The following SUZ12 variants were observed in gnomAD, a reference collection of about 807,000 sequenced individuals.
SUZ12 encodes polycomb protein SUZ12.
A neutral mutation model predicts 87.3 loss-of-function variants in SUZ12; 17 were observed. The ratio of observed to expected loss-of-function variants is 0.19; its 90% confidence interval spans 0.13 to 0.29. The LOEUF is 0.29. Ranked by LOEUF, SUZ12 falls within the 10% of genes least tolerant of loss-of-function variation. The pLI is 1.00. For missense variants in SUZ12, 526 were observed against 912.2 expected, an observed-to-expected ratio of 0.58 and a Z score of 5.45; for synonymous variants, 253 against 312.4, an observed-to-expected ratio of 0.81 and a Z score of 2.01.
chr17:31,978,860 C>T (rs950520789), intron 8 of SUZ12, among the ~76,000 whole-genome samples: 3 of 152,058 alleles, frequency 2.0e-5, no homozygotes, highest in African/African-American at 4.8e-5. Context: ...GTAATCCCAG[C>T]ACTTTGGGAG....
chr17:31,969,297 C>T (rs1327017479), intron 5 of SUZ12, among the ~76,000 whole-genome samples: 5 of 152,104 alleles, frequency 3.3e-5, no homozygotes, highest in Non-Finnish European at 7.4e-5. Flanking sequence ...AGGCATGCAC[C>T]ACCATGCCCC....
intron 8 of SUZ12, among the ~76,000 whole-genome samples, chr17:31,979,051 A>T (rs1425201043): frequency 1.4e-5 from 2 of 138,018 alleles, no homozygotes; most frequent in Admixed American, 1.6e-4. Context: ...GGTTACAGTG[A>T]GTTGAGATCG....
intron 9 of SUZ12, among the ~76,000 whole-genome samples, chr17:31,983,613 G>A (rs1380190316): frequency 6.6e-6 from 1 of 152,154 alleles, no homozygotes; most frequent in Non-Finnish European, 1.5e-5. Flanking sequence ...GAGCCAGACT[G>A]CCTGATTCAA....
At chr17:31,989,692 T>G (rs1285623473) in intron 10 of SUZ12, among the ~76,000 whole-genome samples, 1 of 151,292 alleles carries the variant, frequency 6.6e-6, no homozygotes, top group Admixed American at 6.6e-5. Flanking sequence ...TCTGCCTCCC[T>G]GGTTCATGCC....
intron 8 of SUZ12, among the ~76,000 whole-genome samples, 170 bp downstream of exon 8, chr17:31,976,784 A>T (rs1420391301): frequency 6.6e-6 from 1 of 152,248 alleles, no homozygotes; most frequent in Non-Finnish European, 1.5e-5. Context: ...TATAGAAAAC[A>T]ATAATTAAGG....
At chr17:31,939,143 A>G (rs2142115582) in intron 1 of SUZ12, among the ~76,000 whole-genome samples, 1 of 152,332 alleles carries the variant, frequency 6.6e-6, no homozygotes, top group Non-Finnish European at 1.5e-5. Context: ...TGTTTTGTGA[A>G]CCTGTCAATT....
chr17:31,990,121 ATTTTTTTTT>A (rs59793925), intron 10 of SUZ12, among the ~76,000 whole-genome samples: 10 of 99,862 alleles, frequency 1.0e-4, no homozygotes, highest in African/African-American at 4.2e-4. Flanking sequence ...TGCCCGGCTA[ATTTTTTTTT>A]TTTTTTTTTT....
intron 10 of SUZ12, 21 bp from the exon 11 acceptor site, chr17:31,993,221 T>C: frequency 6.7e-7 from 1 of 1,484,502 alleles, no homozygotes; most frequent in South Asian, 1.3e-5. Context: ...TTTTATTGAA[T>C]ATAAAAGTGT....
At chr17:31,982,443 CGAG>C (rs1567832343) in intron 8 of SUZ12, among the ~76,000 whole-genome samples, 2 of 152,138 alleles carry the variant, frequency 1.3e-5, no homozygotes, top group Non-Finnish European at 2.9e-5. Flanking sequence ...GGGTGGATCA[CGAG>C]GGCAGGAGTT....
chr17:31,978,966 C>G (rs867642982), intron 8 of SUZ12, among the ~76,000 whole-genome samples: 1 of 151,732 alleles, frequency 6.6e-6, no homozygotes, highest in African/African-American at 2.4e-5. Flanking sequence ...ATTAGCTGGG[C>G]CTGGTGGTGC....
intron 10 of SUZ12, among the ~76,000 whole-genome samples, chr17:31,989,099 T>C (rs942930005): frequency 6.6e-6 from 1 of 151,466 alleles, no homozygotes; most frequent in Non-Finnish European, 1.5e-5. Context: ...GTCAATAAAT[T>C]AAAAAAGTAG....
Position 31,994,728 on chromosome 17 carries a change from A to G in SUZ12, c.1595+7A>G. ...CACATATTCTTGTGTGCAGGTAGGT[A>G]AAAAGGGCATATAAGAAAAGTTTAA... On this transcript the variant is annotated splice_region_variant and intron_variant, in intron 13 of 15. Transcript: ENST00000322652. The G allele has an allele frequency of 6.2e-7, 1 of 1,610,326 alleles. No individual in the cohort carries two copies. Among genetic ancestry groups the G allele is most frequent in the East Asian group, 2.2e-5 (1 of 44,788 alleles).
At chr17:31,960,111 A>G (rs1907607427) in intron 4 of SUZ12, among the ~76,000 whole-genome samples, 1 of 152,188 alleles carries the variant, frequency 6.6e-6, no homozygotes, top group Non-Finnish European at 1.5e-5. Context: ...TAGCTGCAAG[A>G]GAGGGCAGAG....
At chr17:31,976,266 GAGTTTGCCTAGCAA>G (rs1908747434) in intron 7 of SUZ12, among the ~76,000 whole-genome samples, 1 of 152,232 alleles carries the variant, frequency 6.6e-6, no homozygotes, top group Admixed American at 6.5e-5. Context: ...GAGTGAGAAG[GAGTTTGCCTAGCAA>G]AGATAATTCT....
At chr17:31,998,362 A>AT (rs1370470119) in intron 15 of SUZ12, among the ~76,000 whole-genome samples, 3 of 152,104 alleles carry the variant, frequency 2.0e-5, no homozygotes, top group African/African-American at 7.2e-5. Context: ...TACAGGCGTA[A>AT]TTACCTGGCC....
chr17:31,974,331 G>A (rs1162429641), intron 6 of SUZ12, among the ~76,000 whole-genome samples: 1 of 152,184 alleles, frequency 6.6e-6, no homozygotes, highest in Non-Finnish European at 1.5e-5. Context: ...TCAGGAGATC[G>A]AGTGGCTAAC....
chr17:31,955,726 C>A (rs529068181), intron 4 of SUZ12, among the ~76,000 whole-genome samples: 1 of 151,470 alleles, frequency 6.6e-6, no homozygotes, highest in Non-Finnish European at 1.5e-5. Flanking sequence ...CCAGCATGGG[C>A]GACAGAGTGA....
chr17:31,978,282 C>T (rs1356236526), intron 8 of SUZ12, among the ~76,000 whole-genome samples: 4 of 152,118 alleles, frequency 2.6e-5, no homozygotes, highest in Non-Finnish European at 5.9e-5. Flanking sequence ...GATCTCAGCT[C>T]ACTGCAACCT....
intron 8 of SUZ12, among the ~76,000 whole-genome samples, chr17:31,980,466 T>TTTTTTTGTTG (rs1909037343): frequency 9.0e-6 from 1 of 111,356 alleles, no homozygotes; most frequent in East Asian, 2.2e-4. Context: ...TTTTTTTTTT[T>TTTTTTTGTTG]GAGACGGAGT....
Sources: allele counts gnomAD v4.1 joint callset (sites outside exome capture counted in the v4.1 genomes callset), GRCh38; gene constraint gnomAD v4.1.1; transcripts MANE v1.5; gene names NCBI Gene and HGNC (gene_info 2026-07-23, HGNC 2026-07-21).